ZNF567: variants seen among roughly 807,000 people sequenced by gnomAD.
ZNF567 encodes the protein zinc finger protein 567.
Under a neutral mutation model 53.9 loss-of-function variants are expected in ZNF567, and 36 were observed. The observed-to-expected ratio is 0.67, with a 90% CI of 0.51 to 0.88. The LOEUF (loss-of-function observed/expected upper bound fraction) is 0.88, where lower values mean the gene tolerates loss of function less well. ZNF567 is among the 40% of genes least tolerant of loss of function. ZNF567 has a pLI of 0.00. For missense variants in ZNF567, 619 were observed against 764.7 expected, an observed-to-expected ratio of 0.81 and a Z score of 2.25; for synonymous variants, 224 against 260.4, an observed-to-expected ratio of 0.86 and a Z score of 1.35.
intron 5 of ZNF567, among the ~76,000 whole-genome samples, chr19:36,717,632 G>A (rs1471329735): frequency 6.6e-6 from 1 of 152,128 alleles, no homozygotes; most frequent in Non-Finnish European, 1.5e-5. Flanking sequence ...GAAGTTCTTG[G>A]ACTCAATGAA....
At chr19:36,716,888 C>T (rs1302371299) in intron 5 of ZNF567, among the ~76,000 whole-genome samples, 6 of 152,046 alleles carry the variant, frequency 3.9e-5, no homozygotes, top group African/African-American at 7.2e-5. Context: ...TGCAGTGGCA[C>T]GATCTCAGCT....
intron 3 of ZNF567, among the ~76,000 whole-genome samples, chr19:36,706,547 G>C (rs1214701134): frequency 6.6e-6 from 1 of 151,836 alleles, no homozygotes; most frequent in Non-Finnish European, 1.5e-5. Flanking sequence ...GCCTGCCTTG[G>C]CCTCCCAAAG....
chr19:36,700,450 G>A (rs1188123571), intron 3 of ZNF567, among the ~76,000 whole-genome samples: 2 of 151,048 alleles, frequency 1.3e-5, no homozygotes, highest in Admixed American at 6.6e-5. Flanking sequence ...AATGAGTTAG[G>A]GAGGATTCCC....
At chr19:36,708,133 TC>T in intron 3 of ZNF567, among the ~76,000 whole-genome samples, 1 of 152,270 alleles carries the variant, frequency 6.6e-6, no homozygotes, top group African/African-American at 2.4e-5. Context: ...CAAGTGATCT[TC>T]CTGTCTCAGC....
intron 5 of ZNF567, among the ~76,000 whole-genome samples, chr19:36,715,914 G>A (rs1256509298): frequency 6.6e-6 from 1 of 152,014 alleles, no homozygotes; most frequent in East Asian, 1.9e-4. Context: ...TTCACAATTT[G>A]TAATATGTTT....
the ZNF567 span, among the ~76,000 whole-genome samples, chr19:36,680,176 A>G: frequency 4.5e-4 from 69 of 152,304 alleles, no homozygotes; most frequent in Middle Eastern, 0.01. Context: ...AATATATACA[A>G]TTATTACTTG....
At chr19:36,713,110 C>T (rs1041752569) in intron 5 of ZNF567, among the ~76,000 whole-genome samples, 1 of 151,964 alleles carries the variant, frequency 6.6e-6, no homozygotes, top group Non-Finnish European at 1.5e-5. Context: ...GAGTTCAGAG[C>T]CAGCCTGGAC....
the ZNF567 span, among the ~76,000 whole-genome samples, chr19:36,675,990 A>C: frequency 1.3e-5 from 2 of 150,978 alleles, no homozygotes; most frequent in Admixed American, 6.6e-5. Context: ...CTGTACATAT[A>C]ATAACCTACT....
chr19:36,726,849 A>T (rs1437218892), downstream of ZNF567, among the ~76,000 whole-genome samples: 1 of 152,116 alleles, frequency 6.6e-6, no homozygotes, highest in Admixed American at 6.5e-5. Context: ...TCCTGAAACC[A>T]TCCTGGCAGG....
chr19:36,710,380 CA>C (rs1041413296), intron 3 of ZNF567, among the ~76,000 whole-genome samples: 1 of 151,174 alleles, frequency 6.6e-6, no homozygotes, highest in African/African-American at 2.4e-5. Context: ...TTATTCCCCC[CA>C]CTCCTTTTTG....
upstream of ZNF567, among the ~76,000 whole-genome samples, chr19:36,683,498 T>C (rs1036978474): frequency 4.6e-5 from 7 of 152,186 alleles, no homozygotes; most frequent in Non-Finnish European, 1.0e-4. Flanking sequence ...CATGGGTAAT[T>C]CATTTAAATA....
the ZNF567 span, among the ~76,000 whole-genome samples, chr19:36,675,520 A>C: frequency 6.6e-6 from 1 of 151,982 alleles, no homozygotes; most frequent in East Asian, 1.9e-4. Context: ...TAAAAATACA[A>C]AAATTAGCTG....
the ZNF567 span, among the ~76,000 whole-genome samples, chr19:36,675,235 G>A: frequency 6.6e-6 from 1 of 152,126 alleles, no homozygotes; most frequent in Non-Finnish European, 1.5e-5. Flanking sequence ...CCTATTAAAT[G>A]TTAAATGTTA....
chr19:36,707,229 T>C (rs2145776086), intron 3 of ZNF567, among the ~76,000 whole-genome samples: 1 of 152,272 alleles, frequency 6.6e-6, no homozygotes, highest in South Asian at 2.1e-4. Flanking sequence ...AGTACTTCTT[T>C]ATTTTCTTGT....
chr19:36,716,287 T>A (rs1291120799), intron 5 of ZNF567, among the ~76,000 whole-genome samples: 1 of 152,190 alleles, frequency 6.6e-6, no homozygotes, highest in Non-Finnish European at 1.5e-5. Flanking sequence ...ACATAGATAC[T>A]TTTCATTGTG....
chr19:36,680,570 T>G, the ZNF567 span, among the ~76,000 whole-genome samples: 1 of 152,212 alleles, frequency 6.6e-6, no homozygotes, highest in South Asian at 2.1e-4. Context: ...ACTGCCTGAT[T>G]CCCTGTACAT....
chr19:36,680,444 C>G, the ZNF567 span, among the ~76,000 whole-genome samples: 1 of 152,220 alleles, frequency 6.6e-6, no homozygotes, highest in South Asian at 2.1e-4. Flanking sequence ...AGGGCAGATT[C>G]CTAACAGTGG....
At chr19:36,723,966 A>G (rs1441223579), downstream of ZNF567, among the ~76,000 whole-genome samples, 1 of 151,354 alleles carries the variant, frequency 6.6e-6, no homozygotes, top group East Asian at 1.9e-4. Context: ...TTTCTTATGA[A>G]ACTGTCTATG....
At position 36,720,056 on chromosome 19, in the gene ZNF567, T is replaced by C; in HGVS notation, c.1332T>C (p.Asn444=). The C allele has an allele frequency of 6.2e-7, 1 of 1,612,134 alleles. No individual in the cohort carries two copies. The highest frequency in any genetic ancestry group is 1.7e-5 in the Admixed American group (1 of 59,842). ...TTGCTCTTCATGAGAAAACTCATAA[T>C]GAGGAGAAACCCTATATTTGTAGTG... The part of the protein sequence containing the change: ...TTLALHEKTH[N]EEKPYICSEC... The change falls in exon 6 of 6, where the codon AAT becomes AAC. Residue 444 remains asparagine, a synonymous_variant. Transcript: ENST00000682579.
Sources: gnomAD v4.1 joint callset for allele counts (sites outside exome capture counted in the v4.1 genomes callset) on GRCh38, gnomAD v4.1.1 for gene constraint, MANE v1.5 for transcripts, NCBI Gene and HGNC (gene_info 2026-07-23, HGNC 2026-07-21) for gene names.